The following ECPAS variants were observed in gnomAD, a reference collection of about 807,000 sequenced individuals.
ECPAS encodes Ecm29 proteasome adaptor and scaffold, also known as proteasome adapter and scaffold protein ECM29.
ECPAS carries 70 observed loss-of-function variants against 255.1 expected under a neutral mutation model. The ratio of observed to expected loss-of-function variants is 0.27; its 90% CI spans 0.23 to 0.33. The LOEUF is 0.33. Ranked by LOEUF, ECPAS falls within the 10% of genes least tolerant of loss-of-function variation. The probability of loss-of-function intolerance (pLI) is 1.00; values close to 1 mark genes in which losing one functional copy is unlikely to be tolerated. For missense variants in ECPAS, 1,817 were observed against 2,206.4 expected, an observed-to-expected ratio of 0.82 and a Z score of 3.54; for synonymous variants, 784 against 775.0, an observed-to-expected ratio of 1.01 and a Z score of -0.19.
intron 23 of ECPAS, among the ~76,000 whole-genome samples, chr9:111,409,173 C>T (rs1183782783): frequency 1.3e-5 from 2 of 152,308 alleles, no homozygotes; most frequent in Admixed American, 6.5e-5. Context: ...AAGTGCTTAA[C>T]AATGTTTGGC....
At chr9:111,464,864 G>C (rs1426508777) in intron 2 of ECPAS, among the ~76,000 whole-genome samples, 1 of 152,142 alleles carries the variant, frequency 6.6e-6, no homozygotes. Flanking sequence ...GGTTTGAATT[G>C]CATCTGCAAT....
intron 18 of ECPAS, among the ~76,000 whole-genome samples, chr9:111,415,677 C>T (rs1264803798): frequency 1.1e-4 from 16 of 148,572 alleles, no homozygotes; most frequent in African/African-American, 2.5e-4. Context: ...TACTCCAGCA[C>T]GGGCAACAGA....
chr9:111,383,000 A>G (rs1359300076), intron 35 of ECPAS, among the ~76,000 whole-genome samples: 2 of 152,250 alleles, frequency 1.3e-5, no homozygotes, highest in Non-Finnish European at 2.9e-5. Flanking sequence ...TGACAACAGA[A>G]CAACACGCTT....
intron 24 of ECPAS, among the ~76,000 whole-genome samples, chr9:111,398,636 G>T (rs1056871200): frequency 6.6e-6 from 1 of 152,216 alleles, no homozygotes; most frequent in South Asian, 2.1e-4. Context: ...CAAAAAAATA[G>T]TTAGAAAGAA....
intron 24 of ECPAS, among the ~76,000 whole-genome samples, chr9:111,399,434 G>C (rs910055169): frequency 6.6e-6 from 1 of 152,186 alleles, no homozygotes; most frequent in African/African-American, 2.4e-5. Context: ...TGTGTGCTTG[G>C]GTGAAGCAGA....
intron 2 of ECPAS, among the ~76,000 whole-genome samples, 193 bp downstream of exon 2, chr9:111,472,704 T>G (rs2098290341): frequency 1.3e-5 from 2 of 152,024 alleles, no homozygotes; most frequent in Admixed American, 1.3e-4. Flanking sequence ...TTTTTATGTT[T>G]AGCATTACAG....
At chr9:111,376,403 A>G (rs540899194) in intron 37 of ECPAS, 73 bp downstream of exon 37, 2 of 1,224,016 alleles carry the variant, frequency 1.6e-6, no homozygotes, top group Admixed American at 2.0e-5. Flanking sequence ...CATTTAACAT[A>G]GCCTGAAGAC....
At chr9:111,376,612 A>G in intron 36 of ECPAS, 71 bp from the exon 37 acceptor site, 1 of 1,137,934 alleles carries the variant, frequency 8.8e-7, no homozygotes, top group East Asian at 2.6e-5. Context: ...ACACCCATAA[A>G]AGACTTTCAC....
intron 2 of ECPAS, among the ~76,000 whole-genome samples, chr9:111,466,191 G>A (rs1027586392): frequency 2.0e-5 from 3 of 152,172 alleles, no homozygotes; most frequent in African/African-American, 7.2e-5. Context: ...GCTCACACCT[G>A]TAATCCCAGC....
intron 2 of ECPAS, among the ~76,000 whole-genome samples, chr9:111,459,211 T>C (rs2098270414): frequency 6.6e-6 from 1 of 151,466 alleles, no homozygotes; most frequent in Non-Finnish European, 1.5e-5. Context: ...TACCTTTTTC[T>C]TTTTTTTTCC....
chr9:111,402,296 T>C (rs1288845155), intron 24 of ECPAS, among the ~76,000 whole-genome samples: 2 of 152,118 alleles, frequency 1.3e-5, no homozygotes, highest in African/African-American at 2.4e-5. Flanking sequence ...CTTTCCTGGG[T>C]AAACAAAAGA....
chr9:111,391,698 A>G (rs1315121643), intron 29 of ECPAS, 58 bp downstream of exon 29: 1 of 1,054,064 alleles, frequency 9.5e-7, no homozygotes, highest in East Asian at 2.6e-5. Context: ...TTACCAGACT[A>G]ATAAATGCAT....
intron 15 of ECPAS, among the ~76,000 whole-genome samples, 189 bp downstream of exon 15, chr9:111,421,732 G>A (rs1262248318): frequency 1.3e-5 from 2 of 152,016 alleles, no homozygotes; most frequent in African/African-American, 2.4e-5. Context: ...CATAAGCATC[G>A]CTATGAATAC....
intron 2 of ECPAS, among the ~76,000 whole-genome samples, chr9:111,468,705 T>TGTGTGTGTGTGTGTGTGTG (rs1554803199): frequency 2.0e-5 from 3 of 152,096 alleles, no homozygotes; most frequent in Admixed American, 1.3e-4. Context: ...TGTGTGTGTG[T>TGTGTGTGTGTGTGTGTGTG]TTCACGTCCA....
At chr9:111,477,249 C>T (rs1781949623) in intron 1 of ECPAS, among the ~76,000 whole-genome samples, 1 of 151,936 alleles carries the variant, frequency 6.6e-6, no homozygotes, top group South Asian at 2.1e-4. Context: ...GCTGGGACTA[C>T]AGGTGCACGT....
rs1291557884 is a variant in ECPAS, at chr9:111,416,364, A to C, written c.1684-12T>G. On this transcript the variant is annotated splice_polypyrimidine_tract_variant and intron_variant, in intron 17 of 49. Coordinates refer to ENST00000684092, the MANE Select transcript of ECPAS (RefSeq NM_001364929.1). ...ATTCGATGAGAAGCCTAAGTTTAAAAAGTCCAAAACAGACACAATTACTGA... is the reference window on the plus strand; with the variant it reads ...ATTCGATGAGAAGCCTAAGTTTAAACAGTCCAAAACAGACACAATTACTGA... 2 of 1,608,266 alleles carry C rather than the reference A, an allele frequency of 1.2e-6. No homozygotes were observed. The highest frequency in any genetic ancestry group is 2.7e-5 in the African/African-American group (2 of 74,970).
At chr9:111,398,030 G>A (rs1017879791) in intron 24 of ECPAS, among the ~76,000 whole-genome samples, 1 of 152,164 alleles carries the variant, frequency 6.6e-6, no homozygotes, top group Non-Finnish European at 1.5e-5. Flanking sequence ...ACTTTTTACT[G>A]TGAACCGGAA....
In ECPAS at chr9:111,393,668, T is replaced by G; in HGVS notation, c.2977+12A>C. The G allele has an allele frequency of 6.6e-7, 1 of 1,505,444 alleles. No homozygotes were observed. Among genetic ancestry groups the G allele is most frequent in the Non-Finnish European group, 9.2e-7 (1 of 1,085,846 alleles). The allele number at this position is 1,505,444 out of a possible 1,614,324, so 93.3% of individuals were successfully genotyped here. A position where few individuals can be genotyped will look rare whatever the true frequency, so the allele number is the denominator to read the frequency against. ...TTCAATTAAGTTTAGAAATCAAATA[T>G]TAACAACCTACCATCATTTTCTGAT... On this transcript the variant is annotated intron_variant, in intron 27 of 49. Coordinates refer to ENST00000684092, the MANE Select transcript of ECPAS (RefSeq NM_001364929.1).
At chr9:111,439,923 G>A (rs1395799243) in intron 6 of ECPAS, among the ~76,000 whole-genome samples, 1 of 152,090 alleles carries the variant, frequency 6.6e-6, no homozygotes, top group African/African-American at 2.4e-5. Flanking sequence ...GAGGCATTAT[G>A]CAAATGATAT....
Sources: allele counts gnomAD v4.1 joint callset (sites outside exome capture counted in the v4.1 genomes callset), GRCh38; gene constraint gnomAD v4.1.1; transcripts MANE v1.5; gene names NCBI Gene and HGNC (gene_info 2026-07-23, HGNC 2026-07-21).